The following ADAMTSL1 variants were observed in gnomAD, a reference collection of about 807,000 sequenced individuals.
The protein encoded by ADAMTSL1 is ADAMTS-like protein 1.
A neutral mutation model predicts 201.8 loss-of-function variants in ADAMTSL1; 126 were observed. That is an observed-to-expected ratio of 0.62 (90% CI 0.54 to 0.72). The LOEUF (loss-of-function observed/expected upper bound fraction) is 0.72. Ranked by LOEUF, ADAMTSL1 falls within the 30% of genes least tolerant of loss-of-function variation. ADAMTSL1 has a pLI of 0.00. For missense variants in ADAMTSL1, 2,679 were observed against 2,277.8 expected, an observed-to-expected ratio of 1.18 and a Z score of -3.59; for synonymous variants, 1,121 against 903.4, an observed-to-expected ratio of 1.24 and a Z score of -4.32.
intron 2 of ADAMTSL1, among the ~76,000 whole-genome samples, chr9:18,167,155 G>A (rs1827671278): frequency 6.6e-6 from 1 of 151,954 alleles, no homozygotes; most frequent in African/African-American, 2.4e-5. Context: ...TATTGAAATA[G>A]TCAAGACACA....
At chr9:18,855,104 C>A (rs1277129172) in intron 23 of ADAMTSL1, among the ~76,000 whole-genome samples, 1 of 152,142 alleles carries the variant, frequency 6.6e-6, no homozygotes, top group Non-Finnish European at 1.5e-5. Flanking sequence ...CATCACAGAG[C>A]TTACAGATTT....
chr9:18,202,008 A>G (rs1829468694), intron 2 of ADAMTSL1, among the ~76,000 whole-genome samples: 1 of 152,160 alleles, frequency 6.6e-6, no homozygotes, highest in Non-Finnish European at 1.5e-5. Flanking sequence ...TTTATAAGAG[A>G]ATAATTCAAT....
At chr9:18,644,901 C>A (rs1467858387) in intron 7 of ADAMTSL1, among the ~76,000 whole-genome samples, 7 of 150,992 alleles carry the variant, frequency 4.6e-5, no homozygotes, top group African/African-American at 1.7e-4. Context: ...GGGTATATAC[C>A]CAGTAATGGG....
chr9:18,557,755 A>T (rs1821189582), intron 3 of ADAMTSL1, among the ~76,000 whole-genome samples: 1 of 152,082 alleles, frequency 6.6e-6, no homozygotes, highest in Non-Finnish European at 1.5e-5. Context: ...CATTTGTCTG[A>T]TAAATGACTG....
At chr9:18,279,954 G>T (rs969391949) in intron 2 of ADAMTSL1, among the ~76,000 whole-genome samples, 1 of 152,170 alleles carries the variant, frequency 6.6e-6, no homozygotes, top group East Asian at 2.0e-4. Context: ...CCACGTGCTT[G>T]CCTAGAGCCT....
intron 2 of ADAMTSL1, among the ~76,000 whole-genome samples, chr9:18,366,132 T>C (rs1836756792): frequency 6.6e-6 from 1 of 152,228 alleles, no homozygotes; most frequent in Non-Finnish European, 1.5e-5. Flanking sequence ...TTTTTATTTA[T>C]TTTTGGGTGC....
At chr9:18,870,386 T>C (rs938528321) in intron 23 of ADAMTSL1, among the ~76,000 whole-genome samples, 2 of 152,324 alleles carry the variant, frequency 1.3e-5, no homozygotes, top group South Asian at 2.1e-4. Context: ...AACAGGCAAT[T>C]AACTCAAACT....
chr9:18,065,961 T>A lies in ADAMTSL1; in HGVS notation c.88-97901T>A, dbSNP rs1375231183. ...GCCCCCACTGCACTCCAGCTTCAGCTTGGGACAGAGCGAGACTCCATCTCA... is the reference window on the plus strand; with the variant it reads ...GCCCCCACTGCACTCCAGCTTCAGCATGGGACAGAGCGAGACTCCATCTCA... On this transcript the variant is annotated intron_variant, in intron 1 of 29. Transcript: ENST00000680146. Among the ~76,000 whole-genome samples the A allele has an allele frequency of 3.5e-5, 4 of 114,282 alleles. No individual in the cohort carries two copies. In the East Asian group the frequency reaches 2.1e-3, roughly 61 times the overall value. 75.0% of individuals were successfully genotyped at this position (114,282 alleles called of 152,430 possible).
chr9:18,018,468 G>A (rs933291346), intron 1 of ADAMTSL1, among the ~76,000 whole-genome samples: 4 of 152,192 alleles, frequency 2.6e-5, no homozygotes, highest in Admixed American at 2.6e-4. Context: ...GGCATGGAAT[G>A]TAGAATATGG....
At chr9:18,781,191 G>A (rs947496570) in intron 19 of ADAMTSL1, among the ~76,000 whole-genome samples, 1 of 152,094 alleles carries the variant, frequency 6.6e-6, no homozygotes, top group Non-Finnish European at 1.5e-5. Context: ...AAAGCACTGG[G>A]CCTAGGCAAG....
intron 23 of ADAMTSL1, among the ~76,000 whole-genome samples, chr9:18,872,695 C>A (rs1320102560): frequency 6.6e-6 from 1 of 152,118 alleles, no homozygotes; most frequent in African/African-American, 2.4e-5. Context: ...GAGTAGTATT[C>A]CATGGTATAT....
At chr9:18,533,344 G>T in intron 3 of ADAMTSL1, 52 bp downstream of exon 3, 1 of 1,464,726 alleles carries the variant, frequency 6.8e-7, no homozygotes, top group South Asian at 1.3e-5. Context: ...AGCACTGAAT[G>T]GTGCTAAGCA....
At chr9:18,440,991 A>G (rs1377723149) in intron 2 of ADAMTSL1, among the ~76,000 whole-genome samples, 1 of 152,200 alleles carries the variant, frequency 6.6e-6, no homozygotes, top group South Asian at 2.1e-4. Flanking sequence ...AGCCATAAAA[A>G]GGAATGAAGC....
intron 1 of ADAMTSL1, among the ~76,000 whole-genome samples, chr9:18,147,446 T>C (rs1282047637): frequency 6.6e-6 from 1 of 152,116 alleles, no homozygotes; most frequent in Non-Finnish European, 1.5e-5. Flanking sequence ...ACAGTCTTGG[T>C]TTCCATCAGC....
chr9:18,688,607 G>A (rs1460522902), intron 13 of ADAMTSL1, among the ~76,000 whole-genome samples: 2 of 132,952 alleles, frequency 1.5e-5, no homozygotes, highest in Admixed American at 1.7e-4. Context: ...GGCGGAGGCT[G>A]CAGTGAGCTG....
At position 18,423,396 on chromosome 9, in the gene ADAMTSL1, A is replaced by G. The variant is rs1048871277; in HGVS notation, c.208-81433A>G. 2.0e-5 allele frequency among the ~76,000 whole-genome samples: 3 copies of G among 152,190 alleles called. No individual in the cohort carries two copies. The East Asian group carries it at 5.8e-4, about 29-fold the overall frequency. On this transcript the variant is annotated intron_variant, in intron 2 of 29. Coordinates refer to the ADAMTSL1 transcript ENST00000680146. ...CTGATAATCCTGAGTCTCTGGTCCA[A>G]CTGATTCCCCGTTAGATTCACACTC...
At chr9:18,456,666 G>T (rs1410447695) in intron 2 of ADAMTSL1, among the ~76,000 whole-genome samples, 1 of 152,114 alleles carries the variant, frequency 6.6e-6, no homozygotes, top group African/African-American at 2.4e-5. Flanking sequence ...CAATTTAGGA[G>T]ATTTTTAAAT....
At chr9:17,908,637 T>C (rs570783801) in intron 1 of ADAMTSL1, among the ~76,000 whole-genome samples, 2 of 152,178 alleles carry the variant, frequency 1.3e-5, no homozygotes, top group East Asian at 1.9e-4. Context: ...TTTGTATTTT[T>C]AGTAGAGACG....
intron 2 of ADAMTSL1, among the ~76,000 whole-genome samples, chr9:18,226,541 C>A (rs1830438424): frequency 1.3e-5 from 2 of 152,232 alleles, no homozygotes; most frequent in African/African-American, 2.4e-5. Flanking sequence ...ATTTTCAGAA[C>A]TTTCTACCTC....
Sources: allele counts gnomAD v4.1 joint callset (sites outside exome capture counted in the v4.1 genomes callset), GRCh38; gene constraint gnomAD v4.1.1; transcripts MANE v1.5; gene names NCBI Gene and HGNC (gene_info 2026-07-23, HGNC 2026-07-21).